The following OSBPL1A variants were observed in gnomAD, a reference collection of about 807,000 sequenced individuals.
OSBPL1A encodes the protein oxysterol-binding protein-related protein 1.
OSBPL1A carries 80 observed loss-of-function variants against 137.1 expected under a neutral mutation model. The ratio of observed to expected loss-of-function variants is 0.58; its 90% CI spans 0.49 to 0.70. The LOEUF (loss-of-function observed/expected upper bound fraction) is 0.70. Among genes scored for constraint, OSBPL1A ranks in the 30% least tolerant of loss-of-function variants. The pLI is 0.00. For synonymous variants in OSBPL1A, 365 were observed against 389.7 expected (o/e 0.94, Z 0.75); for missense variants, 970 against 1,129.4 (o/e 0.86, Z 2.02).
intron 17 of OSBPL1A, among the ~76,000 whole-genome samples, chr18:24,209,216 A>C (rs1179549685): frequency 6.6e-6 from 1 of 152,260 alleles, no homozygotes; most frequent in Non-Finnish European, 1.5e-5. Context: ...GAATACATAA[A>C]GAATTACTAC....
chr18:24,390,958 G>T (rs151208958), intron 1 of OSBPL1A, among the ~76,000 whole-genome samples: 1 of 152,008 alleles, frequency 6.6e-6, no homozygotes, highest in South Asian at 2.1e-4. Flanking sequence ...AAATTAGCCT[G>T]GTGTGGCGGT....
intron 15 of OSBPL1A, among the ~76,000 whole-genome samples, chr18:24,249,953 C>T (rs2089023736): frequency 6.6e-6 from 1 of 152,156 alleles, no homozygotes; most frequent in Non-Finnish European, 1.5e-5. Flanking sequence ...ATTGCACCAT[C>T]CCTCCCCCAA....
chr18:24,249,201 A>G (rs1360217733), intron 15 of OSBPL1A, among the ~76,000 whole-genome samples: 1 of 152,266 alleles, frequency 6.6e-6, no homozygotes, highest in Non-Finnish European at 1.5e-5. Flanking sequence ...TACAGTTTAC[A>G]ATCCAGAAGT....
intron 26 of OSBPL1A, 37 bp from the exon 27 acceptor site, chr18:24,165,192 T>C: frequency 6.6e-7 from 1 of 1,508,692 alleles, no homozygotes. Context: ...ATTAACACTC[T>C]ACACAGAGGA....
At chr18:24,251,599 G>A (rs962473561) in intron 15 of OSBPL1A, among the ~76,000 whole-genome samples, 1 of 152,158 alleles carries the variant, frequency 6.6e-6, no homozygotes, top group African/African-American at 2.4e-5. Context: ...TCTCAAGAAG[G>A]ACAGGCACAA....
intron 15 of OSBPL1A, among the ~76,000 whole-genome samples, chr18:24,278,549 T>C (rs903357489): frequency 2.0e-5 from 3 of 152,182 alleles, no homozygotes; most frequent in Non-Finnish European, 2.9e-5. Context: ...CACATCTAAA[T>C]AACCTAAAGA....
chr18:24,370,316 C>T (rs1905523630), intron 2 of OSBPL1A, among the ~76,000 whole-genome samples: 1 of 152,214 alleles, frequency 6.6e-6, no homozygotes, highest in South Asian at 2.1e-4. Flanking sequence ...TAAGCCAAAG[C>T]TCTTGTGCAT....
chr18:24,328,036 C>CTTTTTT (rs10563779), intron 7 of OSBPL1A, among the ~76,000 whole-genome samples: 4 of 95,632 alleles, frequency 4.2e-5, no homozygotes, highest in Admixed American at 2.5e-4. Context: ...AGAAATCACA[C>CTTTTTT]TTTTTTTTTT....
chr18:24,346,687 C>A (rs978223179), intron 4 of OSBPL1A, among the ~76,000 whole-genome samples: 3 of 152,164 alleles, frequency 2.0e-5, no homozygotes, highest in Middle Eastern at 3.4e-3. Flanking sequence ...ATGACTATAC[C>A]ACATGTTTAT....
intron 4 of OSBPL1A, among the ~76,000 whole-genome samples, chr18:24,360,816 G>A (rs932081499): frequency 6.6e-6 from 1 of 152,150 alleles, no homozygotes; most frequent in Non-Finnish European, 1.5e-5. Context: ...GTGTGTATGT[G>A]AGTGGCCCTG....
chr18:24,365,593 A>T (rs569910265), intron 4 of OSBPL1A, among the ~76,000 whole-genome samples: 4 of 152,070 alleles, frequency 2.6e-5, no homozygotes, highest in Non-Finnish European at 5.9e-5. Context: ...CAAAAAAAAA[A>T]AAAAAGTTTA....
chr18:24,366,588 C>T, intron 4 of OSBPL1A: 1 of 241,160 alleles, frequency 4.1e-6, no homozygotes, highest in Non-Finnish European at 7.9e-6. Context: ...AGTTATACCT[C>T]AATGAAGCTA....
At chr18:24,299,340 T>C (rs2090354544) in intron 14 of OSBPL1A, among the ~76,000 whole-genome samples, 1 of 152,218 alleles carries the variant, frequency 6.6e-6, no homozygotes, top group African/African-American at 2.4e-5. Context: ...GTGAGTTTTA[T>C]GCTTCCAACC....
chr18:24,224,202 CT>C (rs201364884), intron 17 of OSBPL1A, among the ~76,000 whole-genome samples: 1 of 151,420 alleles, frequency 6.6e-6, no homozygotes, highest in Non-Finnish European at 1.5e-5. Flanking sequence ...GTGATGCACA[CT>C]TTTTTTTTCT....
intron 18 of OSBPL1A, among the ~76,000 whole-genome samples, chr18:24,190,078 G>T (rs1042224954): frequency 1.2e-4 from 18 of 152,212 alleles, no homozygotes; most frequent in Admixed American, 3.9e-4. Flanking sequence ...CTTAGGAGCT[G>T]AAGAGCTTCA....
intron 15 of OSBPL1A, among the ~76,000 whole-genome samples, chr18:24,260,682 G>C (rs940031851): frequency 6.6e-6 from 1 of 152,112 alleles, no homozygotes; most frequent in Non-Finnish European, 1.5e-5. Context: ...AATGGGTACA[G>C]GGTTCCTTGT....
Position 24,179,854 on chromosome 18 carries a change from G to C in OSBPL1A, c.1813-19C>G. On this transcript the variant is annotated intron_variant, in intron 19 of 27. Coordinates refer to ENST00000319481, the MANE Select transcript of OSBPL1A (RefSeq NM_080597.4). ...CTACACACTGTGGGACAGAGCATGA[G>C]AACAAGTCAAAAATAGCCGAGCTCG... The C allele has an allele frequency of 6.2e-7, 1 of 1,604,758 alleles. No individual in the cohort carries two copies. The highest frequency in any genetic ancestry group is 1.3e-5 in the African/African-American group (1 of 74,808).
chr18:24,381,146 G>A (rs918809457), intron 1 of OSBPL1A, among the ~76,000 whole-genome samples: 9 of 152,180 alleles, frequency 5.9e-5, no homozygotes, highest in African/African-American at 2.2e-4. Context: ...CTGCAGTGGG[G>A]AAGAGAGCTT....
At chr18:24,183,435 CTT>C (rs35407694) in intron 18 of OSBPL1A, among the ~76,000 whole-genome samples, 21 of 139,188 alleles carry the variant, frequency 1.5e-4, no homozygotes, top group Non-Finnish European at 1.7e-4. Context: ...TTTTCTTTTT[CTT>C]TTTTTTTTTT....
Sources: gnomAD v4.1 joint callset for allele counts (sites outside exome capture counted in the v4.1 genomes callset) on GRCh38, gnomAD v4.1.1 for gene constraint, MANE v1.5 for transcripts, NCBI Gene and HGNC (gene_info 2026-07-23, HGNC 2026-07-21) for gene names.